Variants in LSM4 observed in about 807,000 individuals in gnomAD.
The protein encoded by LSM4 is LSM4 homolog, U6 small nuclear RNA and mRNA degradation associated.
In LSM4, 15 loss-of-function variants were observed where a neutral mutation model predicts 22.3. That is an observed-to-expected ratio of 0.67 (90% CI 0.45 to 1.03). The LOEUF (loss-of-function observed/expected upper bound fraction) is 1.03, where lower values mean the gene tolerates loss of function less well. Ranked by LOEUF, LSM4 falls within the 50% of genes least tolerant of loss-of-function variation. The probability of loss-of-function intolerance (pLI) is 0.00; values close to 1 mark genes in which losing one functional copy is unlikely to be tolerated. For synonymous variants in LSM4, 90 were observed against 79.8 expected, an observed-to-expected ratio of 1.13 and a Z score of -0.68; for missense variants, 127 against 198.0, an observed-to-expected ratio of 0.64 and a Z score of 2.15.
chr19:18,319,125 C>A (rs1300460037), intron 1 of LSM4, among the ~76,000 whole-genome samples: 1 of 151,934 alleles, frequency 6.6e-6, no homozygotes, highest in Non-Finnish European at 1.5e-5. Context: ...AACTGTAATC[C>A]CAGCTACTCA....
chr19:18,311,350 C>T (rs1336401313), intron 3 of LSM4, among the ~76,000 whole-genome samples: 1 of 152,138 alleles, frequency 6.6e-6, no homozygotes, highest in Admixed American at 6.5e-5. Flanking sequence ...GAGTTCCCAT[C>T]GCCTCTCCTC....
At chr19:18,314,566 T>C (rs1347600409) in intron 2 of LSM4, among the ~76,000 whole-genome samples, 3 of 151,316 alleles carry the variant, frequency 2.0e-5, no homozygotes, top group Non-Finnish European at 4.4e-5. Context: ...CGTCTGGCTA[T>C]AAGGAATGAG....
At chr19:18,309,403 G>A (rs1162836529) in intron 4 of LSM4, 1 of 493,870 alleles carries the variant, frequency 2.0e-6, no homozygotes, top group African/African-American at 2.0e-5. Context: ...TGGACAGATG[G>A]GCACCACCAT....
At chr19:18,320,428 C>T (rs556570941) in intron 1 of LSM4, among the ~76,000 whole-genome samples, 5 of 151,488 alleles carry the variant, frequency 3.3e-5, no homozygotes, top group African/African-American at 4.9e-5. Context: ...GGGAGGATCA[C>T]GGGCCAGTGA....
chr19:18,309,476 G>T, intron 4 of LSM4: 1 of 578,188 alleles, frequency 1.7e-6, no homozygotes. Flanking sequence ...GGACCGCCAG[G>T]AGGCGCAGTG....
chr19:18,311,495 C>G (rs1179824630), intron 3 of LSM4, among the ~76,000 whole-genome samples: 1 of 152,196 alleles, frequency 6.6e-6, no homozygotes, highest in Non-Finnish European at 1.5e-5. Context: ...AATCAACAGG[C>G]TTCTCATGTC....
At chr19:18,313,063 A>G (rs1970315953) in intron 2 of LSM4, among the ~76,000 whole-genome samples, 1 of 152,206 alleles carries the variant, frequency 6.6e-6, no homozygotes, top group Non-Finnish European at 1.5e-5. Flanking sequence ...TACTAAAATC[A>G]TAAAAATTAG....
intron 4 of LSM4, among the ~76,000 whole-genome samples, chr19:18,308,658 G>A (rs1392742256): frequency 1.3e-5 from 2 of 152,180 alleles, no homozygotes; most frequent in East Asian, 1.9e-4. Flanking sequence ...CTGGAATCAC[G>A]GTCTACTCTG....
chr19:18,315,766 C>T (rs1403499609), intron 2 of LSM4, among the ~76,000 whole-genome samples: 1 of 152,108 alleles, frequency 6.6e-6, no homozygotes, highest in East Asian at 1.9e-4. Flanking sequence ...AAGCGATCCT[C>T]CTGTCTTGGC....
Position 18,306,342 on chromosome 19 carries a change from G to C in LSM4, c.*1122C>G, listed in dbSNP as rs954684689. On this transcript the variant is annotated 3_prime_UTR_variant, in exon 5 of 5. Coordinates refer to ENST00000593829, the MANE Select transcript of LSM4 (RefSeq NM_012321.5). ...GGGGGACGGGCCGCTGCCTGGCTCAGGGCTTCCCTCTGGTTTCTTCACGGT... is the reference window on the plus strand; with the variant it reads ...GGGGGACGGGCCGCTGCCTGGCTCACGGCTTCCCTCTGGTTTCTTCACGGT... 6.6e-6 allele frequency: 1 copy of C among 152,220 alleles called. No individual in the cohort carries two copies. Among genetic ancestry groups the C allele is most frequent in the Middle Eastern group, 3.1e-3 (1 of 318 alleles). 9.4% of individuals were successfully genotyped at this position (152,220 alleles called of 1,614,324 possible). A position where few individuals can be genotyped will look rare whatever the true frequency, so the allele number is the denominator to read the frequency against.
At chr19:18,313,521 T>G (rs1970320658) in intron 2 of LSM4, among the ~76,000 whole-genome samples, 1 of 152,194 alleles carries the variant, frequency 6.6e-6, no homozygotes, top group Non-Finnish European at 1.5e-5. Flanking sequence ...ACTGATATTT[T>G]TTGGTGTCTT....
intron 1 of LSM4, among the ~76,000 whole-genome samples, chr19:18,316,901 G>C (rs1263262808): frequency 6.6e-6 from 1 of 152,178 alleles, no homozygotes; most frequent in African/African-American, 2.4e-5. Flanking sequence ...AATCCCATCA[G>C]AGAAGGCCAC....
chr19:18,310,187 G>A (rs1970283703), intron 3 of LSM4: 1 of 356,500 alleles, frequency 2.8e-6, no homozygotes, highest in South Asian at 4.1e-5. Context: ...AGCCTGGGAT[G>A]GGGCTCTCTC....
Position 18,306,798 on chromosome 19 carries a change from C to T in LSM4, c.*666G>A, listed in dbSNP as rs1418677156. The T allele has an allele frequency of 1.3e-5, 2 of 152,254 alleles. No individual in the cohort carries two copies. The highest frequency in any genetic ancestry group is 4.8e-5 in the African/African-American group (2 of 41,456). The allele number at this position is 152,254 out of a possible 1,614,324, so 9.4% of individuals were successfully genotyped here. On this transcript the variant is annotated 3_prime_UTR_variant, in exon 5 of 5. Coordinates refer to ENST00000593829, the MANE Select transcript of LSM4 (RefSeq NM_012321.5). The stretch of plus-strand genomic sequence containing the variant: ...GTGCCGCTGACACCTGGTGAGAACT[C>T]TCAAAAGGAAGCTTCCCTTACGGGA...
intron 3 of LSM4, among the ~76,000 whole-genome samples, chr19:18,311,338 G>T (rs1970295520): frequency 6.6e-6 from 1 of 152,182 alleles, no homozygotes; most frequent in South Asian, 2.1e-4. Context: ...TGGGGACGAT[G>T]TGAGTTCCCA....
chr19:18,320,441 T>C (rs1038902261), intron 1 of LSM4, among the ~76,000 whole-genome samples: 10 of 152,064 alleles, frequency 6.6e-5, no homozygotes, highest in East Asian at 5.8e-4. Context: ...GCCAGTGAGG[T>C]TGAGGCTGTA....
At chr19:18,312,726 T>C in intron 2 of LSM4, 24 bp from the exon 3 acceptor site, 4 of 1,579,582 alleles carry the variant, frequency 2.5e-6, no homozygotes, top group Non-Finnish European at 3.5e-6. Flanking sequence ...AGGCTAGAGG[T>C]TGGCTGTAGC....
intron 1 of LSM4, among the ~76,000 whole-genome samples, chr19:18,321,091 T>C (rs1475227101): frequency 6.6e-6 from 1 of 152,226 alleles, no homozygotes; most frequent in Non-Finnish European, 1.5e-5. Flanking sequence ...TGTGATGGCT[T>C]GTCCATTCTC....
At chr19:18,310,821 G>A (rs1362140734) in intron 3 of LSM4, among the ~76,000 whole-genome samples, 12 of 152,308 alleles carry the variant, frequency 7.9e-5, no homozygotes, top group Admixed American at 2.6e-4. Context: ...ATCCTGCCCC[G>A]CCCTGGCGGT....
Sources: allele counts gnomAD v4.1 joint callset (sites outside exome capture counted in the v4.1 genomes callset), GRCh38; gene constraint gnomAD v4.1.1; transcripts MANE v1.5; gene names NCBI Gene and HGNC (gene_info 2026-07-23, HGNC 2026-07-21).